The following HOOK1 variants were observed in gnomAD, a reference collection of about 807,000 sequenced individuals.
The protein encoded by HOOK1 is hook microtubule tethering protein 1.
A neutral mutation model predicts 112.8 loss-of-function variants in HOOK1; 60 were observed. The observed-to-expected ratio is 0.53, with a 90% confidence interval of 0.43 to 0.66. The LOEUF is 0.66. HOOK1 is among the 30% of genes least tolerant of loss of function. HOOK1 has a pLI of 0.00. For synonymous variants in HOOK1, 294 were observed against 283.8 expected (o/e 1.04, Z -0.36); for missense variants, 770 against 856.0 (o/e 0.90, Z 1.25).
At chr1:59,843,986 A>G (rs1333226317) in intron 9 of HOOK1, among the ~76,000 whole-genome samples, 1 of 152,014 alleles carries the variant, frequency 6.6e-6, no homozygotes, top group Non-Finnish European at 1.5e-5. Flanking sequence ...TTTAACTTGT[A>G]TATTTCTTTA....
intron 21 of HOOK1, 54 bp from the exon 22 acceptor site, chr1:59,872,741 C>T (rs950301425): frequency 5.6e-5 from 69 of 1,239,214 alleles, no homozygotes; most frequent in African/African-American, 2.3e-4. Context: ...GAGAAGCACT[C>T]GGCAAACTCT....
intron 14 of HOOK1, among the ~76,000 whole-genome samples, 153 bp from the exon 15 acceptor site, chr1:59,860,035 T>C (rs186057746): frequency 1.1e-4 from 16 of 152,202 alleles, no homozygotes; most frequent in African/African-American, 3.6e-4. Flanking sequence ...TGTTGGAGTT[T>C]AAGAGTTTCA....
At chr1:59,867,881 C>T (rs1041533166) in intron 19 of HOOK1, among the ~76,000 whole-genome samples, 1 of 151,886 alleles carries the variant, frequency 6.6e-6, no homozygotes, top group Non-Finnish European at 1.5e-5. Flanking sequence ...TTATTGAATT[C>T]ATTTTGATTT....
At chr1:59,822,513 A>G (rs1253256905) in intron 2 of HOOK1, among the ~76,000 whole-genome samples, 1 of 152,200 alleles carries the variant, frequency 6.6e-6, no homozygotes, top group Non-Finnish European at 1.5e-5. Flanking sequence ...GGCTGGACCC[A>G]TTTTATGTAA....
chr1:59,818,531 A>G (rs1294104028), intron 1 of HOOK1, among the ~76,000 whole-genome samples: 1 of 152,252 alleles, frequency 6.6e-6, no homozygotes, highest in Non-Finnish European at 1.5e-5. Context: ...GAGGACATGT[A>G]TGAGAGTTTG....
At chr1:59,866,494 A>G (rs1034443919) in intron 19 of HOOK1, among the ~76,000 whole-genome samples, 3 of 152,162 alleles carry the variant, frequency 2.0e-5, no homozygotes, top group African/African-American at 4.8e-5. Context: ...ATTGAGTCCA[A>G]TCATAAATGG....
intron 17 of HOOK1, 175 bp from the exon 18 acceptor site, chr1:59,864,988 C>T (rs1162494443): frequency 1.7e-6 from 1 of 577,466 alleles, no homozygotes; most frequent in Non-Finnish European, 3.1e-6. Context: ...AATAATTTAA[C>T]CTTTTTGGCA....
At chr1:59,826,065 T>A (rs1381253117) in intron 2 of HOOK1, among the ~76,000 whole-genome samples, 1 of 152,204 alleles carries the variant, frequency 6.6e-6, no homozygotes, top group African/African-American at 2.4e-5. Flanking sequence ...CACAACTATA[T>A]TGTTTATAGT....
intron 1 of HOOK1, among the ~76,000 whole-genome samples, chr1:59,818,137 AGACACT>A (rs2098382931): frequency 1.3e-5 from 2 of 152,234 alleles, no homozygotes; most frequent in African/African-American, 4.8e-5. Flanking sequence ...CACAGGGAAG[AGACACT>A]AGTAGTAAAA....
Position 59,868,354 on chromosome 1 carries a change from A to G in HOOK1, c.1947+3A>G, listed in dbSNP as rs1351697156. The G allele has an allele frequency of 6.6e-7, 1 of 1,519,420 alleles. No individual in the cohort carries two copies. The highest frequency in any genetic ancestry group is 2.3e-5 in the East Asian group (1 of 44,312). 94.1% of individuals were successfully genotyped at this position (1,519,420 alleles called of 1,614,324 possible). On this transcript the variant is annotated splice_donor_region_variant and intron_variant, in intron 20 of 21. Transcript: ENST00000371208. ...AGAGAAGAATTGAGATTCTGGAGGT[A>G]AAACTTTTATATTTACTCATCTTTT...
chr1:59,825,397 G>T (rs1338546404), intron 2 of HOOK1, among the ~76,000 whole-genome samples: 1 of 152,138 alleles, frequency 6.6e-6, no homozygotes, highest in Non-Finnish European at 1.5e-5. Context: ...AGAAGAATGA[G>T]ACAGATAATG....
At position 59,836,866 on chromosome 1, in the gene HOOK1, T is replaced by G. The variant is rs539742340; in HGVS notation, c.475-7T>G. ...TTATACTTAATTTTATTATTTTAAT[T>G]TCCTAGTTGATGAGTAAAGAAATAT... On this transcript the variant is annotated splice_polypyrimidine_tract_variant and splice_region_variant and intron_variant, in intron 6 of 21. Transcript: ENST00000371208. The G allele has an allele frequency of 6.7e-7, 1 of 1,496,880 alleles. No individual in the cohort carries two copies. Among genetic ancestry groups the G allele is most frequent in the Admixed American group, 1.7e-5 (1 of 57,614 alleles). 92.7% of individuals were successfully genotyped at this position (1,496,880 alleles called of 1,614,324 possible). A position where few individuals can be genotyped will look rare whatever the true frequency, so the allele number is the denominator to read the frequency against.
intron 2 of HOOK1, among the ~76,000 whole-genome samples, chr1:59,823,097 A>G (rs562815056): frequency 1.4e-3 from 219 of 152,304 alleles, no homozygotes; most frequent in African/African-American, 4.1e-3. Flanking sequence ...GAGGAGGGCG[A>G]ATCACAAGGT....
In HOOK1 at chr1:59,872,778, A is replaced by G. The variant is rs779124022; in HGVS notation, c.2017-17A>G. ...TTTAGTCATGTTAAATAAAAAATAT[A>G]TGTTTTTTTTTTTCAGAGTCTAGCA... On this transcript the variant is annotated splice_polypyrimidine_tract_variant and intron_variant, in intron 21 of 21. Coordinates refer to ENST00000371208, the MANE Select transcript of HOOK1 (RefSeq NM_015888.6). 6 of 1,374,454 alleles carry G rather than the reference A, an allele frequency of 4.4e-6. No individual in the cohort carries two copies. The highest frequency in any genetic ancestry group is 3.6e-5 in the South Asian group (2 of 55,838). 85.1% of individuals were successfully genotyped at this position (1,374,454 alleles called of 1,614,324 possible). A position where few individuals can be genotyped will look rare whatever the true frequency, so the allele number is the denominator to read the frequency against.
intron 21 of HOOK1, 111 bp downstream of exon 21, chr1:59,871,221 A>G: frequency 1.5e-6 from 1 of 667,944 alleles, no homozygotes; most frequent in Non-Finnish European, 2.6e-6. Flanking sequence ...AAACCAAGAC[A>G]TAGCATGTTT....
At chr1:59,833,347 G>A (rs1368492856) in intron 4 of HOOK1, 58 bp from the exon 5 acceptor site, 20 of 1,250,088 alleles carry the variant, frequency 1.6e-5, no homozygotes, top group Non-Finnish European at 2.1e-5. Context: ...AATATTAAAT[G>A]TAGCAAATTC....
At chr1:59,817,546 C>T (rs931611253) in intron 1 of HOOK1, among the ~76,000 whole-genome samples, 1 of 152,108 alleles carries the variant, frequency 6.6e-6, no homozygotes, top group Non-Finnish European at 1.5e-5. Flanking sequence ...GATCTTACCT[C>T]ACCTACCCAA....
intron 14 of HOOK1, among the ~76,000 whole-genome samples, chr1:59,859,797 GCTTTT>G (rs1421823853): frequency 6.6e-6 from 1 of 151,692 alleles, no homozygotes; most frequent in Non-Finnish European, 1.5e-5. Context: ...TAAATCTATT[GCTTTT>G]CTTTTATGTG....
At chr1:59,862,053 C>T (rs150053748) in intron 15 of HOOK1, among the ~76,000 whole-genome samples, 1 of 152,266 alleles carries the variant, frequency 6.6e-6, no homozygotes, top group East Asian at 1.9e-4. Flanking sequence ...TTACATATTA[C>T]TATCTTATTC....
Sources: gnomAD v4.1 joint callset for allele counts (sites outside exome capture counted in the v4.1 genomes callset) on GRCh38, gnomAD v4.1.1 for gene constraint, MANE v1.5 for transcripts, NCBI Gene and HGNC (gene_info 2026-07-23, HGNC 2026-07-21) for gene names.